Variants in SYT2 observed in about 807,000 individuals in gnomAD.
The protein encoded by SYT2 is synaptotagmin-2.
A neutral mutation model predicts 39.9 loss-of-function variants in SYT2; 15 were observed. The observed-to-expected ratio is 0.38, with a 90% CI of 0.25 to 0.58. The LOEUF (loss-of-function observed/expected upper bound fraction) is 0.58, where lower values mean the gene tolerates loss of function less well. Among genes scored for constraint, SYT2 ranks in the 20% least tolerant of loss-of-function variants. The pLI, the probability that SYT2 is intolerant of heterozygous loss-of-function variation, is 0.70. For synonymous variants in SYT2, 181 were observed against 204.5 expected (o/e 0.89, Z 0.98); for missense variants, 389 against 530.3 (o/e 0.73, Z 2.62).
At chr1:202,704,362 TC>T (rs1383145922) in intron 1 of SYT2, among the ~76,000 whole-genome samples, 1 of 152,176 alleles carries the variant, frequency 6.6e-6, no homozygotes, top group Non-Finnish European at 1.5e-5. Flanking sequence ...TTTTGAGTTC[TC>T]CTTTACATCC....
In SYT2 at chr1:202,605,678, T is replaced by G; in HGVS notation, c.95A>C (p.Glu32Ala). 6.2e-7 allele frequency: 1 copy of G among 1,613,928 alleles called. No homozygotes were observed. The highest frequency in any genetic ancestry group is 8.5e-7 in the Non-Finnish European group (1 of 1,179,846). ...CTGGCTCTCCCCAGCACCCCCACTC[T>G]CAGTGGAGTTGTCCACGGGTCCAAT... is the stretch of plus-strand genomic sequence containing the variant. ...MPIGPVDNST[E>A]SGGAGESQED... Residue 32 changes from glutamate (E) to alanine (A), a missense_variant, in exon 2 of 9, where the codon GAG (glutamate) becomes GCG (alanine). Transcript: ENST00000367268.
chr1:202,691,696 A>G (rs1247959661), intron 1 of SYT2, among the ~76,000 whole-genome samples: 2 of 27,490 alleles, frequency 7.3e-5, no homozygotes, highest in Non-Finnish European at 9.2e-5. Flanking sequence ...GGAGAGGGAG[A>G]GGGAGAGGGA....
At chr1:202,600,330 A>G (rs1320026611) in intron 7 of SYT2, 27 bp downstream of exon 7, 1 of 1,591,602 alleles carries the variant, frequency 6.3e-7, no homozygotes, top group Non-Finnish European at 8.6e-7. Flanking sequence ...GGTGCCACCC[A>G]ATGGCAGCCA....
chr1:202,673,147 A>G (rs1482846774), intron 1 of SYT2, among the ~76,000 whole-genome samples: 1 of 152,152 alleles, frequency 6.6e-6, no homozygotes, highest in East Asian at 1.9e-4. Flanking sequence ...AAAAGAAAAT[A>G]ACATATTAGC....
chr1:202,624,274 G>A (rs1691284810), intron 1 of SYT2, among the ~76,000 whole-genome samples: 1 of 151,308 alleles, frequency 6.6e-6, no homozygotes, highest in South Asian at 2.1e-4. Context: ...GGGGACAGTG[G>A]GGTGTGTATA....
intron 1 of SYT2, among the ~76,000 whole-genome samples, chr1:202,709,133 T>G (rs1654326176): frequency 6.6e-6 from 1 of 152,130 alleles, no homozygotes; most frequent in African/African-American, 2.4e-5. Flanking sequence ...CCTTATAAGC[T>G]AACTCAACCT....
intron 1 of SYT2, among the ~76,000 whole-genome samples, chr1:202,630,009 G>A (rs1049510881): frequency 6.6e-6 from 1 of 152,090 alleles, no homozygotes; most frequent in Non-Finnish European, 1.5e-5. Flanking sequence ...GCATTTGGAG[G>A]ATTTGTAGAG....
At chr1:202,690,609 G>A (rs1186815707) in intron 1 of SYT2, among the ~76,000 whole-genome samples, 2 of 152,182 alleles carry the variant, frequency 1.3e-5, no homozygotes, top group Non-Finnish European at 2.9e-5. Flanking sequence ...CAAGGACAAG[G>A]TGGTCACATC....
intron 1 of SYT2, among the ~76,000 whole-genome samples, chr1:202,683,973 T>C (rs1001289553): frequency 5.3e-5 from 8 of 152,084 alleles, no homozygotes; most frequent in African/African-American, 1.4e-4. Flanking sequence ...TAGGATTTGT[T>C]CACTCTTCTG....
chr1:202,626,601 A>G (rs776921796), intron 1 of SYT2, among the ~76,000 whole-genome samples: 1 of 151,720 alleles, frequency 6.6e-6, no homozygotes, highest in Non-Finnish European at 1.5e-5. Context: ...TCCTGGGCTC[A>G]AGCAATTCAC....
rs906377309 is a variant in SYT2 at position 202,599,204 on chromosome 1, C to A, written c.1053+14G>T. 7.4e-6 allele frequency: 12 copies of A among 1,612,648 alleles called. No individual in the cohort carries two copies. In the African/African-American group the frequency reaches 1.5e-4, roughly 20 times the overall value. ...AAACCCTGCTCCATGCCTAGGAACC[C>A]AGGGCTCCAGCACCTGAATCTGCTC... On this transcript the variant is annotated intron_variant, in intron 8 of 8. Transcript: ENST00000367268. This position sits in a 1 kb window ranked among gnomAD's most constrained non-coding sequence, Gnocchi z 4.4.
At chr1:202,624,747 GGGTGTGTGGTGTGTGTGT>G (rs61728799) in intron 1 of SYT2, among the ~76,000 whole-genome samples, 9,603 of 137,234 alleles carry the variant, frequency 0.07, 482 homozygotes, top group East Asian at 0.29. Flanking sequence ...GCATGTAGTA[GGGTGTGTGGTGTGTGTGT>G]GGTGTGTGGT....
chr1:202,651,960 A>C (rs1163268212), intron 1 of SYT2, among the ~76,000 whole-genome samples: 1 of 152,216 alleles, frequency 6.6e-6, no homozygotes, highest in Non-Finnish European at 1.5e-5. Flanking sequence ...CAGGAGGCTG[A>C]GGCAGGAGAA....
intron 1 of SYT2, among the ~76,000 whole-genome samples, chr1:202,708,366 G>T (rs1654303856): frequency 6.6e-6 from 1 of 152,034 alleles, no homozygotes; most frequent in Non-Finnish European, 1.5e-5. Context: ...CTATAACCTA[G>T]AAACTTTCCT....
chr1:202,664,939 G>A (rs1043575356), intron 1 of SYT2, among the ~76,000 whole-genome samples: 3 of 152,176 alleles, frequency 2.0e-5, no homozygotes, highest in Non-Finnish European at 4.4e-5. Context: ...GATTACAGGC[G>A]TGAGCCACTG....
chr1:202,631,887 C>T (rs964050141), intron 1 of SYT2: 3 of 379,946 alleles, frequency 7.9e-6, no homozygotes, highest in African/African-American at 4.4e-5. Context: ...GTCTCCCTTC[C>T]AACCCTGAGA....
At chr1:202,699,010 CTTTTTTTT>C (rs5780118) in intron 1 of SYT2, among the ~76,000 whole-genome samples, 1 of 97,942 alleles carries the variant, frequency 1.0e-5, no homozygotes, top group African/African-American at 3.8e-5. Flanking sequence ...ACCAAACTGT[CTTTTTTTT>C]TTTTTTTTTT....
intron 1 of SYT2, among the ~76,000 whole-genome samples, chr1:202,633,422 A>G (rs1691651016): frequency 1.3e-5 from 2 of 151,984 alleles, no homozygotes. Context: ...GAGAGAATAG[A>G]AGGTCTCCAG....
chr1:202,603,299 C>T (rs1254506450), intron 3 of SYT2, among the ~76,000 whole-genome samples, 181 bp from the exon 4 acceptor site: 3 of 152,172 alleles, frequency 2.0e-5, no homozygotes, highest in Admixed American at 6.5e-5. Flanking sequence ...CCCATCAGAA[C>T]CCCTAGGTGG....
Sources: allele counts gnomAD v4.1 joint callset (sites outside exome capture counted in the v4.1 genomes callset), GRCh38; gene constraint gnomAD v4.1.1; non-coding constraint Gnocchi (gnomAD v3.1); transcripts MANE v1.5; gene names NCBI Gene and HGNC (gene_info 2026-07-23, HGNC 2026-07-21).